Variants in WDPCP observed in about 807,000 individuals in gnomAD.
The protein encoded by WDPCP is WD repeat containing planar cell polarity effector.
Under a neutral mutation model 93.1 loss-of-function variants are expected in WDPCP, and 71 were observed. The observed-to-expected ratio is 0.76, with a 90% CI of 0.63 to 0.93. The LOEUF (loss-of-function observed/expected upper bound fraction) is 0.93. Among genes scored for constraint, WDPCP ranks in the 40% least tolerant of loss-of-function variants. The probability of loss-of-function intolerance (pLI) is 0.00; values close to 1 mark genes in which losing one functional copy is unlikely to be tolerated. For missense variants in WDPCP, 844 were observed against 887.4 expected (o/e 0.95, Z 0.62); for synonymous variants, 315 against 315.0 (o/e 1.00, Z 0.00).
intron 3 of WDPCP, chr2:63,597,510 C>T: frequency 6.6e-7 from 1 of 1,514,330 alleles, no homozygotes. Flanking sequence ...TTACTGAAAG[C>T]AAATGTGAAA....
At chr2:63,412,438 A>G (rs1695085469) in intron 9 of WDPCP, among the ~76,000 whole-genome samples, 1 of 152,186 alleles carries the variant, frequency 6.6e-6, no homozygotes, top group African/African-American at 2.4e-5. Context: ...GAATGGGGAA[A>G]AGTTGAAAGT....
chr2:63,485,928 A>T (rs1171285712), intron 4 of WDPCP, among the ~76,000 whole-genome samples: 1 of 151,790 alleles, frequency 6.6e-6, no homozygotes, highest in Non-Finnish European at 1.5e-5. Context: ...TGTAGAACGT[A>T]TATGCAAATT....
At chr2:63,533,218 T>C (rs1337867516) in intron 1 of WDPCP, among the ~76,000 whole-genome samples, 1 of 152,168 alleles carries the variant, frequency 6.6e-6, no homozygotes, top group Non-Finnish European at 1.5e-5. Flanking sequence ...AGCAAGTCCT[T>C]AGAGACCTAC....
chr2:63,621,473 G>A (rs262495), intron 3 of WDPCP, among the ~76,000 whole-genome samples: 119,912 of 151,770 alleles, frequency 0.79, 47,842 homozygotes, highest in East Asian at 0.98. Context: ...CAAGATTAGA[G>A]AATAAAGAAT....
At chr2:63,221,019 C>T (rs1421135780) in intron 14 of WDPCP, among the ~76,000 whole-genome samples, 2 of 152,166 alleles carry the variant, frequency 1.3e-5, no homozygotes, top group African/African-American at 4.8e-5. Flanking sequence ...CCCTGTCCCT[C>T]AAAGGACATG....
intron 2 of WDPCP, among the ~76,000 whole-genome samples, chr2:63,752,880 G>T (rs569641622): frequency 6.6e-6 from 1 of 152,088 alleles, no homozygotes; most frequent in Non-Finnish European, 1.5e-5. Flanking sequence ...TTTAAGTAGA[G>T]ATGGGGCTTC....
intron 15 of WDPCP, among the ~76,000 whole-genome samples, chr2:63,156,519 T>G (rs1369417662): frequency 6.6e-6 from 1 of 152,066 alleles, no homozygotes; most frequent in East Asian, 1.9e-4. Context: ...GCAGATCGCC[T>G]GAGTTCAGGA....
intron 6 of WDPCP, among the ~76,000 whole-genome samples, chr2:63,449,853 C>T (rs1698113989): frequency 6.6e-6 from 1 of 152,172 alleles, no homozygotes; most frequent in African/African-American, 2.4e-5. Context: ...CCACAGCCCC[C>T]ATATATCCAC....
chr2:63,784,296 G>A (rs980291363), intron 2 of WDPCP, among the ~76,000 whole-genome samples: 9 of 152,242 alleles, frequency 5.9e-5, no homozygotes, highest in African/African-American at 2.2e-4. Flanking sequence ...GCATTCAAAG[G>A]AAGAGAGAAG....
At chr2:63,498,701 G>A (rs1049145148) in intron 1 of WDPCP, among the ~76,000 whole-genome samples, 2 of 152,118 alleles carry the variant, frequency 1.3e-5, no homozygotes, top group African/African-American at 2.4e-5. Context: ...GCAGTTCCCC[G>A]GTTTCTTAAG....
intron 14 of WDPCP, among the ~76,000 whole-genome samples, chr2:63,255,885 T>C (rs1049346300): frequency 1.3e-5 from 2 of 152,076 alleles, no homozygotes; most frequent in Admixed American, 1.3e-4. Context: ...CAGTCAATTG[T>C]ATATATACCA....
intron 6 of WDPCP, among the ~76,000 whole-genome samples, chr2:63,449,372 C>T (rs1407906135): frequency 6.6e-6 from 1 of 151,954 alleles, no homozygotes; most frequent in African/African-American, 2.4e-5. Flanking sequence ...ACATCAGATA[C>T]CCCCCCACTT....
chr2:63,468,248 C>T (rs780465636), intron 6 of WDPCP, among the ~76,000 whole-genome samples: 12 of 152,174 alleles, frequency 7.9e-5, no homozygotes, highest in South Asian at 6.2e-4. Context: ...CTGCTCCCTT[C>T]TTCATCATCT....
chr2:63,460,101 C>T (rs189997563), intron 6 of WDPCP, among the ~76,000 whole-genome samples: 2 of 152,066 alleles, frequency 1.3e-5, no homozygotes, highest in East Asian at 1.9e-4. Context: ...ATCAACAGAT[C>T]GATGAATAAA....
chr2:63,484,848 T>G (rs930363540), intron 5 of WDPCP, 69 bp downstream of exon 5: 29 of 1,558,804 alleles, frequency 1.9e-5, no homozygotes, highest in Middle Eastern at 1.7e-4. Context: ...TTATGAAAAT[T>G]AAAGCTGTTG....
At chr2:63,617,546 G>C (rs1262789310) in intron 3 of WDPCP, among the ~76,000 whole-genome samples, 1 of 152,142 alleles carries the variant, frequency 6.6e-6, no homozygotes, top group African/African-American at 2.4e-5. Context: ...TTACAGAAAG[G>C]AATAGGGGTT....
At chr2:63,493,229 A>AT (rs1575521705) in intron 1 of WDPCP, among the ~76,000 whole-genome samples, 1 of 152,190 alleles carries the variant, frequency 6.6e-6, no homozygotes, top group East Asian at 1.9e-4. Context: ...TGTTTGGTTA[A>AT]GGCTCTGAGT....
chr2:63,221,569 G>T lies in WDPCP; in HGVS notation c.1915+37738C>A, dbSNP rs72890570. 4.7e-3 allele frequency among the ~76,000 whole-genome samples: 716 copies of T among 152,338 alleles called. 6 individuals carry two copies. The highest frequency in any genetic ancestry group is 0.016 in the African/African-American group (686 of 41,580). Reference sequence around the variant, plus strand: ...AAGGTATTTAGAAGACAGTTCAGATGTAGCAACTTCTTGGACGTTGTGGGT... The same window carrying T: ...AAGGTATTTAGAAGACAGTTCAGATTTAGCAACTTCTTGGACGTTGTGGGT... On this transcript the variant is annotated intron_variant, in intron 14 of 17. Coordinates refer to ENST00000272321, the MANE Select transcript of WDPCP (RefSeq NM_015910.7).
Position 63,444,711 on chromosome 2 carries a change from C to G in WDPCP, c.385-4840G>C, listed in dbSNP as rs112123011. 5.5e-4 allele frequency among the ~76,000 whole-genome samples: 84 copies of G among 152,160 alleles called. 1 individual carries two copies. Among genetic ancestry groups the G allele is most frequent in the South Asian group, 2.1e-4 (1 of 4,814 alleles). ...TGAAAAGACCCGCAGGATGAACCAACGAGAAGGCCAGTGGTATCTCCCAAC... is the reference window on the plus strand; with the variant it reads ...TGAAAAGACCCGCAGGATGAACCAAGGAGAAGGCCAGTGGTATCTCCCAAC... On this transcript the variant is annotated intron_variant, in intron 6 of 17. Transcript: ENST00000272321.
Sources: allele counts gnomAD v4.1 joint callset (sites outside exome capture counted in the v4.1 genomes callset), GRCh38; gene constraint gnomAD v4.1.1; transcripts MANE v1.5; gene names NCBI Gene and HGNC (gene_info 2026-07-23, HGNC 2026-07-21).